Variants in RAP1B observed in about 807,000 individuals in gnomAD.
RAP1B encodes RAP1B, member of RAS oncogene family.
A neutral mutation model predicts 27.5 loss-of-function variants in RAP1B; 1 was observed. The ratio of observed to expected loss-of-function variants is 0.04; its 90% confidence interval spans 0.01 to 0.17. The LOEUF (loss-of-function observed/expected upper bound fraction) is 0.17, where lower values mean the gene tolerates loss of function less well. Ranked by LOEUF, RAP1B falls within the 10% of genes least tolerant of loss-of-function variation. The probability of loss-of-function intolerance (pLI) is 1.00; values close to 1 mark genes in which losing one functional copy is unlikely to be tolerated. For synonymous variants in RAP1B, 75 were observed against 73.1 expected (o/e 1.03, Z -0.13); for missense variants, 84 against 214.8 (o/e 0.39, Z 3.81).
chr12:68,627,410 T>C, intron 1 of RAP1B: 1 of 527,332 alleles, frequency 1.9e-6, no homozygotes, highest in Non-Finnish European at 3.5e-6. Context: ...ATATACCCAA[T>C]CCCTACTAGA....
intron 3 of RAP1B, 134 bp downstream of exon 3, chr12:68,650,602 C>T (rs925704747): frequency 2.4e-6 from 2 of 847,126 alleles, no homozygotes; most frequent in Non-Finnish European, 3.3e-6. Flanking sequence ...AAAGTTTACA[C>T]TTTCTGGCAT....
chr12:68,612,056 T>C (rs1435325442), intron 1 of RAP1B, among the ~76,000 whole-genome samples: 1 of 152,210 alleles, frequency 6.6e-6, no homozygotes, highest in Non-Finnish European at 1.5e-5. Flanking sequence ...CTGATTGGTA[T>C]GAATAGAAGC....
chr12:68,662,385 TTTC>T lies in RAP1B; in HGVS notation c.*3139_*3141del, dbSNP rs563288324. 2.0e-5 allele frequency: 3 copies of T among 152,172 alleles called. No individual in the cohort carries two copies. The highest frequency in any genetic ancestry group is 4.8e-5 in the African/African-American group (2 of 41,452). The allele number at this position is 152,172 out of a possible 1,614,324, so 9.4% of individuals were successfully genotyped here. The stretch of plus-strand genomic sequence containing the variant: ...AAAAGTGTAAAAACCCTGTATTGAC[TTTC>T]TTGTTGATTCAGTTGTTTCTTAAAC... On this transcript the variant is annotated 3_prime_UTR_variant, in exon 8 of 8. Coordinates refer to ENST00000250559, the MANE Select transcript of RAP1B (RefSeq NM_001010942.3).
chr12:68,650,651 ACT>A, intron 3 of RAP1B, 183 bp downstream of exon 3: 1 of 456,934 alleles, frequency 2.2e-6, no homozygotes, highest in East Asian at 4.8e-5. Context: ...AAACACCCAT[ACT>A]CTCACATATT....
chr12:68,643,721 AGT>A (rs1873191439), intron 1 of RAP1B, among the ~76,000 whole-genome samples: 1 of 152,166 alleles, frequency 6.6e-6, no homozygotes, highest in Non-Finnish European at 1.5e-5. Context: ...AGTTTTCTAA[AGT>A]CTACTTCTTA....
chr12:68,616,745 T>G (rs1027628046), intron 1 of RAP1B, among the ~76,000 whole-genome samples: 1 of 152,088 alleles, frequency 6.6e-6, no homozygotes, highest in Admixed American at 6.5e-5. Context: ...GGTTTTGTAT[T>G]TTTTGTAGAG....
At chr12:68,625,351 T>C (rs555365758) in intron 1 of RAP1B, among the ~76,000 whole-genome samples, 1 of 152,340 alleles carries the variant, frequency 6.6e-6, no homozygotes, top group East Asian at 1.9e-4. Flanking sequence ...AAAACAACTT[T>C]ATAACACAAT....
Position 68,668,788 on chromosome 12 carries a change from T to G in RAP1B, c.*9539T>G, listed in dbSNP as rs187988826. ...AGCTTACTTATTCAGTTATTTGGCT[T>G]GATACTGCTTGAAAGTGACATTTCT... On this transcript the variant is annotated 3_prime_UTR_variant, in exon 8 of 8. Coordinates refer to ENST00000250559, the MANE Select transcript of RAP1B (RefSeq NM_001010942.3). 8.7e-4 allele frequency: 132 copies of G among 152,352 alleles called. 1 individual carries two copies. The highest frequency in any genetic ancestry group is 3.1e-3 in the African/African-American group (128 of 41,594). 9.4% of individuals were successfully genotyped at this position (152,352 alleles called of 1,614,324 possible).
rs1874473031 is a variant in RAP1B, at chr12:68,659,411, A to G, written c.*162A>G. The G allele has an allele frequency of 2.5e-6, 1 of 398,390 alleles. No homozygotes were observed. The allele number at this position is 398,390 out of a possible 1,614,324, so 24.7% of individuals were successfully genotyped here. A position where few individuals can be genotyped will look rare whatever the true frequency, so the allele number is the denominator to read the frequency against. ...TGAAAGCTACTATATCAGTTTGCAC[A>G]TTCTAATCACTTTCCAGTATCACAA... On this transcript the variant is annotated 3_prime_UTR_variant, in exon 8 of 8. Coordinates refer to ENST00000250559, the MANE Select transcript of RAP1B (RefSeq NM_001010942.3).
chr12:68,635,744 C>T (rs1381829303), intron 1 of RAP1B, among the ~76,000 whole-genome samples: 4 of 151,302 alleles, frequency 2.6e-5, no homozygotes, highest in South Asian at 2.1e-4. Context: ...CATGAGCCAG[C>T]GTGCCTGGCC....
chr12:68,624,024 G>GA lies in RAP1B; in HGVS notation c.-27+12996dup, dbSNP rs781541083. On this transcript the variant is annotated intron_variant, in intron 1 of 7. Coordinates refer to ENST00000250559, the MANE Select transcript of RAP1B (RefSeq NM_001010942.3). ...CGACAGAGTGAGACTCTATCTCAGG[G>GA]AAAAAAAAAAAAAAAGAGAGAGAGA... 8.9e-3 allele frequency among the ~76,000 whole-genome samples: 1,177 copies of GA among 131,780 alleles called. 6 individuals carry two copies. The highest frequency in any genetic ancestry group is 0.02 in the African/African-American group (733 of 35,800). The allele number at this position is 131,780 out of a possible 152,430, so 86.5% of individuals were successfully genotyped here.
chr12:68,626,940 G>A, intron 1 of RAP1B: 1 of 1,535,690 alleles, frequency 6.5e-7, no homozygotes, highest in Middle Eastern at 2.3e-4. Context: ...ACAGCCATCT[G>A]GGATGAGCCG....
chr12:68,647,663 T>C (rs1421704135), intron 1 of RAP1B, among the ~76,000 whole-genome samples: 1 of 151,820 alleles, frequency 6.6e-6, no homozygotes, highest in Non-Finnish European at 1.5e-5. Context: ...TGGCAAACTT[T>C]CAAAGACAGG....
chr12:68,621,046 A>G (rs928168381), intron 1 of RAP1B, among the ~76,000 whole-genome samples: 1 of 152,202 alleles, frequency 6.6e-6, no homozygotes, highest in African/African-American at 2.4e-5. Context: ...TAAAATGGAG[A>G]GAAAAGATAA....
intron 1 of RAP1B, chr12:68,627,406 C>T (rs750161894): frequency 6.2e-5 from 34 of 548,588 alleles, no homozygotes; most frequent in Non-Finnish European, 2.6e-5. Context: ...ACAAATATAC[C>T]CAATCCCTAC....
intron 1 of RAP1B, among the ~76,000 whole-genome samples, chr12:68,615,362 A>G (rs1211483888): frequency 6.6e-6 from 1 of 152,150 alleles, no homozygotes; most frequent in Non-Finnish European, 1.5e-5. Context: ...AACATGAGTT[A>G]CAGAATTTCC....
intron 1 of RAP1B, among the ~76,000 whole-genome samples, chr12:68,646,589 A>G (rs1198970119): frequency 6.6e-6 from 1 of 152,156 alleles, no homozygotes. Flanking sequence ...CGCCCGGCCC[A>G]CTACAACTAG....
chr12:68,616,113 GCCA>G (rs922170894), intron 1 of RAP1B, among the ~76,000 whole-genome samples: 1 of 151,322 alleles, frequency 6.6e-6, no homozygotes, highest in African/African-American at 2.4e-5. Context: ...ACAGGCGCCC[GCCA>G]CCACACCTGG....
At chr12:68,659,230 C>T (rs1354542123) in intron 7 of RAP1B, 50 bp from the exon 8 acceptor site, 4 of 455,594 alleles carry the variant, frequency 8.8e-6, no homozygotes, top group East Asian at 6.9e-5. Context: ...GCTTTTGGGT[C>T]TTTACTTTTT....
Sources: allele counts gnomAD v4.1 joint callset (sites outside exome capture counted in the v4.1 genomes callset), GRCh38; gene constraint gnomAD v4.1.1; transcripts MANE v1.5; gene names NCBI Gene and HGNC (gene_info 2026-07-23, HGNC 2026-07-21).